The following MYO1E variants were observed in gnomAD, a reference collection of about 807,000 sequenced individuals.
MYO1E encodes the protein unconventional myosin-Ie.
MYO1E carries 68 observed loss-of-function variants against 151.1 expected under a neutral mutation model. The ratio of observed to expected loss-of-function variants is 0.45; its 90% confidence interval spans 0.37 to 0.55. MYO1E has a LOEUF of 0.55. Ranked by LOEUF, MYO1E falls within the 20% of genes least tolerant of loss-of-function variation. MYO1E has a pLI of 0.00. For missense variants in MYO1E, 1,363 were observed against 1,389.3 expected (o/e 0.98, Z 0.30); for synonymous variants, 601 against 501.7 (o/e 1.20, Z -2.64).
intron 7 of MYO1E, among the ~76,000 whole-genome samples, chr15:59,225,563 C>T (rs1474935037): frequency 3.9e-5 from 6 of 152,174 alleles, no homozygotes; most frequent in Non-Finnish European, 5.9e-5. Context: ...TAGAAAGTCC[C>T]CTGGTCCTGT....
chr15:59,145,276 G>A (rs2079434892), intron 26 of MYO1E, among the ~76,000 whole-genome samples: 2 of 152,216 alleles, frequency 1.3e-5, no homozygotes, highest in African/African-American at 4.8e-5. Flanking sequence ...CAGGGCACAT[G>A]AGACCCGCAT....
chr15:59,315,992 G>T (rs1842095835), intron 1 of MYO1E, among the ~76,000 whole-genome samples: 1 of 152,138 alleles, frequency 6.6e-6, no homozygotes, highest in Non-Finnish European at 1.5e-5. Flanking sequence ...CTTTTGCACT[G>T]AGGCACCCGT....
chr15:59,269,766 A>G (rs1238993123), intron 2 of MYO1E, among the ~76,000 whole-genome samples: 1 of 152,040 alleles, frequency 6.6e-6, no homozygotes, highest in Non-Finnish European at 1.5e-5. Context: ...AGGCTGAGGA[A>G]GGAGTGAATC....
chr15:59,221,672 T>TCGCC (rs1364342996), intron 9 of MYO1E, among the ~76,000 whole-genome samples: 1 of 152,118 alleles, frequency 6.6e-6, no homozygotes, highest in Non-Finnish European at 1.5e-5. Context: ...AGTCAGGGAA[T>TCGCC]TTCATGGGCA....
chr15:59,153,917 T>C, intron 25 of MYO1E, 126 bp from the exon 26 acceptor site: 1 of 875,450 alleles, frequency 1.1e-6, no homozygotes, highest in African/African-American at 1.7e-5. Context: ...ATTTCCGCAT[T>C]TGAAAAAAAT....
chr15:59,148,678 C>G (rs2079456377), intron 26 of MYO1E, among the ~76,000 whole-genome samples: 4 of 152,246 alleles, frequency 2.6e-5, no homozygotes, highest in Middle Eastern at 3.4e-3. Context: ...AAATTTTAAG[C>G]CCCATAAAAA....
chr15:59,190,900 G>A (rs891693156), intron 17 of MYO1E, among the ~76,000 whole-genome samples: 3 of 152,106 alleles, frequency 2.0e-5, no homozygotes, highest in Admixed American at 1.3e-4. Context: ...CTGGAGGGGC[G>A]AGTTGAATCC....
intron 22 of MYO1E, among the ~76,000 whole-genome samples, chr15:59,166,544 G>A (rs1301287716): frequency 6.6e-6 from 1 of 151,664 alleles, no homozygotes; most frequent in Non-Finnish European, 1.5e-5. Context: ...AAGTCCTGAA[G>A]GAGTTTTGTT....
intron 17 of MYO1E, among the ~76,000 whole-genome samples, chr15:59,194,565 T>A (rs2079754344): frequency 6.6e-6 from 1 of 152,208 alleles, no homozygotes; most frequent in Non-Finnish European, 1.5e-5. Flanking sequence ...TAAAAGAGCC[T>A]ACCTTCTTTT....
At chr15:59,165,837 C>T (rs1481660035) in intron 22 of MYO1E, among the ~76,000 whole-genome samples, 1 of 152,232 alleles carries the variant, frequency 6.6e-6, no homozygotes, top group Non-Finnish European at 1.5e-5. Context: ...AAACAAGAAG[C>T]TCCACTTTTT....
chr15:59,210,499 TA>T lies in MYO1E; in HGVS notation c.1362+14del. ...ACCTGTGAGCAGTGAAAAGACATAC[TA>T]AATGAACACTTACCACTTTGTTCTC... On this transcript the variant is annotated intron_variant, in intron 13 of 27. Transcript: ENST00000288235. The T allele has an allele frequency of 6.6e-7, 1 of 1,521,040 alleles. No homozygotes were observed. Among genetic ancestry groups the T allele is most frequent in the Non-Finnish European group, 9.1e-7 (1 of 1,095,484 alleles). The allele number at this position is 1,521,040 out of a possible 1,614,324, so 94.2% of individuals were successfully genotyped here. A position where few individuals can be genotyped will look rare whatever the true frequency, so the allele number is the denominator to read the frequency against.
chr15:59,366,073 A>C (rs1363286611), intron 1 of MYO1E, among the ~76,000 whole-genome samples: 2 of 151,930 alleles, frequency 1.3e-5, no homozygotes, highest in Non-Finnish European at 2.9e-5. Context: ...CCGCCTCCCA[A>C]GTTCAAGTGA....
chr15:59,217,739 G>A lies in MYO1E; in HGVS notation c.1107+152C>T, dbSNP rs755866611. 14 of 851,994 alleles carry A rather than the reference G, an allele frequency of 1.6e-5. No individual in the cohort carries two copies. The Admixed American group carries it at 1.8e-4, about 11-fold the overall frequency. The allele number at this position is 851,994 out of a possible 1,614,324, so 52.8% of individuals were successfully genotyped here. ...GACAGGGTCTCACCATGTTGCAGAG[G>A]CTGGTCTCAAACTCCTGGGCTGCAG... On this transcript the variant is annotated intron_variant, in intron 10 of 27. Transcript: ENST00000288235.
intron 12 of MYO1E, among the ~76,000 whole-genome samples, 156 bp from the exon 13 acceptor site, chr15:59,210,756 C>T (rs2140340399): frequency 6.6e-6 from 1 of 152,242 alleles, no homozygotes; most frequent in South Asian, 2.1e-4. Context: ...TAAGAGGTAA[C>T]AGGAAAGGAA....
intron 15 of MYO1E, among the ~76,000 whole-genome samples, chr15:59,202,819 G>A (rs1257336641): frequency 6.6e-6 from 1 of 152,150 alleles, no homozygotes; most frequent in Non-Finnish European, 1.5e-5. Context: ...ATGGCTCACT[G>A]CAGCCTCGAC....
At chr15:59,366,167 C>G (rs759759525) in intron 1 of MYO1E, among the ~76,000 whole-genome samples, 1 of 152,050 alleles carries the variant, frequency 6.6e-6, no homozygotes, top group African/African-American at 2.4e-5. Context: ...TTAGTAGAGA[C>G]GGGGTTTCAC....
At chr15:59,325,096 A>G (rs1053279096) in intron 1 of MYO1E, among the ~76,000 whole-genome samples, 6 of 151,576 alleles carry the variant, frequency 4.0e-5, no homozygotes, top group Non-Finnish European at 8.8e-5. Flanking sequence ...GTGCAGTGGC[A>G]CAATCTCAGC....
rs796517449 is a variant in MYO1E, at chr15:59,202,504, G to A, written c.1617-97C>T. The stretch of plus-strand genomic sequence containing the variant: ...GGATGGGGTGAAGGGCCGTCCCCAG[G>A]CACATAACCTTGGCTACAGAAAAGC... On this transcript the variant is annotated intron_variant, in intron 15 of 27. Coordinates refer to ENST00000288235, the MANE Select transcript of MYO1E (RefSeq NM_004998.4). 1.0e-5 allele frequency: 11 copies of A among 1,100,740 alleles called. No homozygotes were observed. The African/African-American group carries it at 1.4e-4, about 14-fold the overall frequency. The allele number at this position is 1,100,740 out of a possible 1,614,324, so 68.2% of individuals were successfully genotyped here. A position where few individuals can be genotyped will look rare whatever the true frequency, so the allele number is the denominator to read the frequency against.
intron 18 of MYO1E, among the ~76,000 whole-genome samples, chr15:59,185,764 A>G (rs1401143210): frequency 2.0e-5 from 3 of 152,360 alleles, no homozygotes; most frequent in Admixed American, 1.3e-4. Context: ...AAAGTTCCTC[A>G]ACTGACTGTG....
Sources: gnomAD v4.1 joint callset for allele counts (sites outside exome capture counted in the v4.1 genomes callset) on GRCh38, gnomAD v4.1.1 for gene constraint, MANE v1.5 for transcripts, NCBI Gene and HGNC (gene_info 2026-07-23, HGNC 2026-07-21) for gene names.